Variants in CACNA2D4 observed in about 807,000 individuals in gnomAD.
The protein encoded by CACNA2D4 is calcium voltage-gated channel auxiliary subunit alpha2delta 4.
CACNA2D4 carries 157 observed loss-of-function variants against 163.8 expected under a neutral mutation model. That is an observed-to-expected ratio of 0.96 (90% confidence interval 0.84 to 1.09). The LOEUF (loss-of-function observed/expected upper bound fraction) is 1.09, where lower values mean the gene tolerates loss of function less well. Ranked by LOEUF, CACNA2D4 falls within the 50% of genes least tolerant of loss-of-function variation. The pLI, the probability that CACNA2D4 is intolerant of heterozygous loss-of-function variation, is 0.00. For missense variants in CACNA2D4, 1,410 were observed against 1,479.9 expected (o/e 0.95, Z 0.78); for synonymous variants, 598 against 586.9 (o/e 1.02, Z -0.27).
Position 1,834,812 on chromosome 12 carries a change from C to G in CACNA2D4, c.2551+5927G>C. On this transcript the variant is annotated intron_variant, in intron 26 of 37. Transcript: ENST00000382722. This position sits in a 1 kb window ranked among gnomAD's most constrained non-coding sequence, Gnocchi z 7.6. ...TCCCACCTTGACCCGGCGCTGGCCA[C>G]TGCCTCCCCGAGTCCACCCTCCTCC... 1 of 1,456,274 alleles carries G rather than the reference C, an allele frequency of 6.9e-7. No homozygotes were observed. The highest frequency in any genetic ancestry group is 9.0e-7 in the Non-Finnish European group (1 of 1,107,642). 90.2% of individuals were successfully genotyped at this position (1,456,274 alleles called of 1,614,324 possible). A position where few individuals can be genotyped will look rare whatever the true frequency, so the allele number is the denominator to read the frequency against.
chr12:1,884,767 C>A lies in CACNA2D4; in HGVS notation c.1272+1G>T. ...TCCCTGGACACCCGTGGGAGGGTCACCTTACAGTCTGGCCAGTTATACTTC... is the reference window on the plus strand; with the variant it reads ...TCCCTGGACACCCGTGGGAGGGTCAACTTACAGTCTGGCCAGTTATACTTC... On this transcript the variant is annotated splice_donor_variant, in intron 11 of 37. Transcript: ENST00000382722. LOFTEE classifies it high-confidence loss of function. 1.2e-6 allele frequency: 2 copies of A among 1,608,914 alleles called. No homozygotes were observed. Among genetic ancestry groups the A allele is most frequent in the Non-Finnish European group, 1.7e-6 (2 of 1,175,780 alleles).
chr12:1,871,543 G>A (rs1028951364), intron 18 of CACNA2D4, among the ~76,000 whole-genome samples: 5 of 148,664 alleles, frequency 3.4e-5, no homozygotes, highest in African/African-American at 7.5e-5. Context: ...TGATGTGTGC[G>A]TGTGTACACG....
chr12:1,800,761 G>C, intron 31 of CACNA2D4: 1 of 594,012 alleles, frequency 1.7e-6, no homozygotes, highest in East Asian at 2.8e-5. Context: ...GGCAGTGTCA[G>C]GGGCTGAGGC....
chr12:1,878,219 G>T lies in CACNA2D4; in HGVS notation c.1719+96C>A. On this transcript the variant is annotated intron_variant, in intron 16 of 37. Transcript: ENST00000382722. The surrounding 1 kb of genome is among the most constrained non-coding windows in gnomAD (Gnocchi z 4.6). ...CATATTACCCACTGGGTTCCTAAAT[G>T]GAGCCCAATGTGTGTTTGTTGTTTT... 2 of 1,378,320 alleles carry T rather than the reference G, an allele frequency of 1.5e-6. No individual in the cohort carries two copies. The highest frequency in any genetic ancestry group is 2.5e-5 in the East Asian group (1 of 39,920). 85.4% of individuals were successfully genotyped at this position (1,378,320 alleles called of 1,614,324 possible). A position where few individuals can be genotyped will look rare whatever the true frequency, so the allele number is the denominator to read the frequency against.
chr12:1,834,840 GCCCTC>G lies in CACNA2D4; in HGVS notation c.2551+5894_2551+5898del. On this transcript the variant is annotated intron_variant, in intron 26 of 37. Transcript: ENST00000382722. This position sits in a 1 kb window ranked among gnomAD's most constrained non-coding sequence, Gnocchi z 7.6. ...CCTCCCCGAGTCCACCCTCCTCCCCGCCCTCCAGCAGACAAGCCACACCGGGTTCT... is the reference window on the plus strand; with the variant it reads ...CCTCCCCGAGTCCACCCTCCTCCCCGCAGCAGACAAGCCACACCGGGTTCT... The G allele has an allele frequency of 7.0e-7, 1 of 1,431,942 alleles. No homozygotes were observed. The highest frequency in any genetic ancestry group is 9.1e-7 in the Non-Finnish European group (1 of 1,095,864). The allele number at this position is 1,431,942 out of a possible 1,614,324, so 88.7% of individuals were successfully genotyped here. A position where few individuals can be genotyped will look rare whatever the true frequency, so the allele number is the denominator to read the frequency against.
intron 34 of CACNA2D4, chr12:1,797,754 A>G (rs973024046): frequency 6.7e-6 from 4 of 593,002 alleles, no homozygotes; most frequent in Middle Eastern, 4.4e-4. Flanking sequence ...GGAGCGCCGC[A>G]GGGGCCCTGA....
intron 13 of CACNA2D4, among the ~76,000 whole-genome samples, chr12:1,881,074 G>A (rs528937888): frequency 4.3e-4 from 65 of 152,318 alleles, no homozygotes; most frequent in Admixed American, 7.8e-4. Context: ...TCCGAAGTGG[G>A]TCCGGGAGAC....
chr12:1,838,935 G>A (rs1196131084), intron 26 of CACNA2D4, among the ~76,000 whole-genome samples: 2 of 152,304 alleles, frequency 1.3e-5, no homozygotes, highest in East Asian at 1.9e-4. Flanking sequence ...GCAGCCAGGC[G>A]GGCACAAATC....
rs1555188444 is a variant in CACNA2D4 at position 1,914,923 on chromosome 12, C to T, written c.240G>A (p.Trp80Ter). ...ACAGGTCCCCGCCGAAGGTGTCAGC[C>T]CATAGCTTCACTCTGCCAGGCAATG... Reference protein sequence around the residue: ...AKIPLETVKLWADTFGGDLYN... With the variant: ...AKIPLETVKL Residue 80 changes from tryptophan (W) to a stop codon, truncating the protein, a stop_gained, in exon 2 of 38, where the codon TGG (tryptophan) becomes TGA (stop). Coordinates refer to ENST00000382722, the MANE Select transcript of CACNA2D4 (RefSeq NM_172364.5). LOFTEE classifies it high-confidence loss of function. 1 of 1,613,194 alleles carries T rather than the reference C, an allele frequency of 6.2e-7. No individual in the cohort carries two copies. Among genetic ancestry groups the T allele is most frequent in the Non-Finnish European group, 8.5e-7 (1 of 1,179,198 alleles).
intron 26 of CACNA2D4, among the ~76,000 whole-genome samples, chr12:1,822,583 A>G (rs748556617): frequency 7.9e-5 from 12 of 152,148 alleles, no homozygotes; most frequent in East Asian, 1.9e-4. Flanking sequence ...TCTGCTTCCC[A>G]GAGGGTCTGT....
At chr12:1,912,705 G>C (rs958658474) in intron 3 of CACNA2D4, among the ~76,000 whole-genome samples, 2 of 152,210 alleles carry the variant, frequency 1.3e-5, no homozygotes, top group African/African-American at 4.8e-5. Context: ...GCTCTGTACT[G>C]GTCACTGGGT....
At chr12:1,892,958 T>G (rs1866321931) in intron 6 of CACNA2D4, among the ~76,000 whole-genome samples, 2 of 152,196 alleles carry the variant, frequency 1.3e-5, no homozygotes, top group South Asian at 4.1e-4. Context: ...ATTCTAAACC[T>G]GTGTGCACCC....
chr12:1,830,911 C>A lies in CACNA2D4; in HGVS notation c.2551+9828G>T, dbSNP rs768276644. 49 of 1,565,858 alleles carry A rather than the reference C, an allele frequency of 3.1e-5. 1 individual carries two copies. The South Asian group carries it at 5.5e-4, about 18-fold the overall frequency. On this transcript the variant is annotated intron_variant, in intron 26 of 37. Transcript: ENST00000382722. ...GGTGACCCGTCCTATTGCTTTCTTT[C>A]CCCCGTCTGTCCCTCCCACCAAGGG...
At chr12:1,851,054 T>C (rs574687873) in intron 23 of CACNA2D4, among the ~76,000 whole-genome samples, 5 of 152,268 alleles carry the variant, frequency 3.3e-5, no homozygotes, top group African/African-American at 1.2e-4. Flanking sequence ...AAGTTATTAT[T>C]ATTTTTATTT....
chr12:1,852,335 T>G (rs1015497449), intron 23 of CACNA2D4, among the ~76,000 whole-genome samples: 22 of 152,172 alleles, frequency 1.4e-4, no homozygotes, highest in Non-Finnish European at 5.9e-5. Context: ...GTTACTTTCA[T>G]GCTTAGGTCA....
At chr12:1,885,152 G>C in intron 9 of CACNA2D4, 76 bp from the exon 10 acceptor site, 1 of 1,293,088 alleles carries the variant, frequency 7.7e-7, no homozygotes, top group Non-Finnish European at 1.1e-6. Context: ...GTGTTAATTT[G>C]GGAGGCTGTT....
chr12:1,868,196 A>G (rs1865695178), intron 18 of CACNA2D4, among the ~76,000 whole-genome samples: 1 of 152,236 alleles, frequency 6.6e-6, no homozygotes, highest in Admixed American at 6.5e-5. Context: ...TAGCCAAGAT[A>G]TTGAAACAAC....
intron 6 of CACNA2D4, among the ~76,000 whole-genome samples, chr12:1,895,500 TC>T (rs1866381999): frequency 6.6e-6 from 1 of 152,028 alleles, no homozygotes; most frequent in Non-Finnish European, 1.5e-5. Context: ...AAAGTATGTT[TC>T]AAGGCTATAG....
chr12:1,893,160 G>A (rs955715185), intron 6 of CACNA2D4, among the ~76,000 whole-genome samples: 13 of 152,146 alleles, frequency 8.5e-5, no homozygotes, highest in Non-Finnish European at 1.3e-4. Context: ...TGTACAGAAC[G>A]TTTTATCTGA....
Sources: allele counts gnomAD v4.1 joint callset (sites outside exome capture counted in the v4.1 genomes callset), GRCh38; gene constraint gnomAD v4.1.1; non-coding constraint Gnocchi (gnomAD v3.1); transcripts MANE v1.5; gene names NCBI Gene and HGNC (gene_info 2026-07-23, HGNC 2026-07-21).